ZSCAN25: variants seen among roughly 807,000 people sequenced by gnomAD.
The protein encoded by ZSCAN25 is zinc finger and SCAN domain containing 25.
Under a neutral mutation model 38.7 loss-of-function variants are expected in ZSCAN25, and 27 were observed. That is an observed-to-expected ratio of 0.70 (90% CI 0.51 to 0.96). The LOEUF (loss-of-function observed/expected upper bound fraction) is 0.96, where lower values mean the gene tolerates loss of function less well. ZSCAN25 is among the 40% of genes least tolerant of loss of function. The probability of loss-of-function intolerance (pLI) is 0.00; values close to 1 mark genes in which losing one functional copy is unlikely to be tolerated. For synonymous variants in ZSCAN25, 273 were observed against 277.7 expected, an observed-to-expected ratio of 0.98 and a Z score of 0.17; for missense variants, 637 against 705.9, an observed-to-expected ratio of 0.90 and a Z score of 1.11.
chr7:99,710,736 T>C, the ZSCAN25 span: 13 of 1,613,716 alleles, frequency 8.1e-6, no homozygotes, highest in Middle Eastern at 1.6e-4. Context: ...ACTCACCTTA[T>C]TGGGTAAAAC....
the ZSCAN25 span, among the ~76,000 whole-genome samples, chr7:99,690,241 A>G: frequency 6.6e-6 from 1 of 152,242 alleles, no homozygotes; most frequent in African/African-American, 2.4e-5. Flanking sequence ...CTGGCTAGCC[A>G]TATGTAGAAA....
At chr7:99,679,212 C>G in the ZSCAN25 span, among the ~76,000 whole-genome samples, 2 of 151,794 alleles carry the variant, frequency 1.3e-5, no homozygotes, top group East Asian at 1.9e-4. Flanking sequence ...GGAGGAGTGA[C>G]TCATAGGAGG....
At chr7:99,643,791 T>TCTGA in the ZSCAN25 span, among the ~76,000 whole-genome samples, 3 of 151,318 alleles carry the variant, frequency 2.0e-5, no homozygotes, top group Non-Finnish European at 4.4e-5. Context: ...CAGCCCCACA[T>TCTGA]CTGAGTTGAA....
chr7:99,672,000 A>G, the ZSCAN25 span: 3 of 609,918 alleles, frequency 4.9e-6, no homozygotes, highest in Admixed American at 2.8e-5. Flanking sequence ...TTCCTGTACT[A>G]TAGTATTAGG....
At chr7:99,700,545 C>T in the ZSCAN25 span, among the ~76,000 whole-genome samples, 1 of 152,128 alleles carries the variant, frequency 6.6e-6, no homozygotes, top group Admixed American at 6.5e-5. Context: ...TAAAGTCTTT[C>T]CTTACCAACC....
In ZSCAN25 at chr7:99,619,895, G is replaced by A. The variant is rs754294428; in HGVS notation, c.289G>A (p.Glu97Lys). The A allele has an allele frequency of 2.5e-6, 4 of 1,614,124 alleles. No individual in the cohort carries two copies. The highest frequency in any genetic ancestry group is 3.4e-6 in the Non-Finnish European group (4 of 1,180,066). ...GCAGTTCCTCACTATCCTGCCCCGC[G>A]AGTTCTACGCCTGGATCCGGGAGCA... Reference protein sequence around the residue: ...LEQFLTILPREFYAWIREHGP... With the variant: ...LEQFLTILPRKFYAWIREHGP... Residue 97 changes from glutamate to lysine, a missense_variant, in exon 4 of 8, where the codon GAG (glutamate) becomes AAG (lysine). By Grantham distance (56) the Glu-to-Lys change is moderately conservative. Transcript: ENST00000394152.
chr7:99,734,392 G>A, the ZSCAN25 span, among the ~76,000 whole-genome samples: 2 of 151,998 alleles, frequency 1.3e-5, no homozygotes, highest in African/African-American at 2.4e-5. Flanking sequence ...CAACTTAAAG[G>A]GAAAAATGTA....
In ZSCAN25 at chr7:99,618,623, C is replaced by G. The variant is rs1806671391; in HGVS notation, c.-160C>G. The G allele has an allele frequency of 6.6e-6, 1 of 152,208 alleles. No homozygotes were observed. The highest frequency in any genetic ancestry group is 1.5e-5 in the Non-Finnish European group (1 of 68,040). The allele number at this position is 152,208 out of a possible 1,614,324, so 9.4% of individuals were successfully genotyped here. ...TCTGACTCTTTGCCACCACCCTGAT[C>G]TAAGCCCTTATCATCTGCTTGAATC... On this transcript the variant is annotated 5_prime_UTR_variant, in exon 2 of 8. It adds an upstream start codon to the 5' untranslated region. Coordinates refer to ENST00000394152, the MANE Select transcript of ZSCAN25 (RefSeq NM_145115.3).
At chr7:99,704,312 A>G in the ZSCAN25 span, among the ~76,000 whole-genome samples, 7 of 152,088 alleles carry the variant, frequency 4.6e-5, no homozygotes, top group Non-Finnish European at 8.8e-5. Context: ...TATTTTTTAG[A>G]TGCAGTCTCA....
At chr7:99,619,485 C>A in intron 3 of ZSCAN25, 76 bp from the exon 4 acceptor site, 1 of 1,188,550 alleles carries the variant, frequency 8.4e-7, no homozygotes, top group Non-Finnish European at 1.2e-6. Context: ...TTACTGTGTT[C>A]TCCAGTGGAA....
the ZSCAN25 span, chr7:99,662,772 C>T: frequency 3.8e-6 from 6 of 1,571,576 alleles, no homozygotes; most frequent in Non-Finnish European, 5.3e-6. The surrounding 1 kb of genome is among the most constrained non-coding windows in gnomAD (Gnocchi z 4.3). Context: ...GGCCCTCCCT[C>T]TTAGTGTCCC....
At chr7:99,638,192 A>C in the ZSCAN25 span, 3 of 1,419,996 alleles carry the variant, frequency 2.1e-6, no homozygotes, top group Non-Finnish European at 2.8e-6. Flanking sequence ...AATCCTGTGA[A>C]TGGGTTTTTG....
At position 99,630,821 on chromosome 7, in the gene ZSCAN25, A is replaced by G. The variant is rs368887974; in HGVS notation, c.*801A>G. On this transcript the variant is annotated 3_prime_UTR_variant, in exon 8 of 8. Transcript: ENST00000394152. ...ACTATTAGGAAGTTAGTATTTTGCTATTGATCACTGAATAAACATCAGAGT... is the reference window on the plus strand; with the variant it reads ...ACTATTAGGAAGTTAGTATTTTGCTGTTGATCACTGAATAAACATCAGAGT... 9 of 985,316 alleles carry G rather than the reference A, an allele frequency of 9.1e-6. No homozygotes were observed. Among genetic ancestry groups the G allele is most frequent in the Admixed American group, 6.1e-5 (1 of 16,272 alleles). 61.0% of individuals were successfully genotyped at this position (985,316 alleles called of 1,614,324 possible).
chr7:99,619,506 T>G, intron 3 of ZSCAN25, 55 bp from the exon 4 acceptor site: 1 of 1,334,732 alleles, frequency 7.5e-7, no homozygotes, highest in Non-Finnish European at 1.0e-6. Flanking sequence ...TATTCCTTGA[T>G]GTAGAGACAG....
At chr7:99,685,077 G>C in the ZSCAN25 span, 1 of 1,184,822 alleles carries the variant, frequency 8.4e-7, no homozygotes, top group South Asian at 1.2e-5. Context: ...AAAGTAATTT[G>C]AGGTCTCTGG....
chr7:99,685,105 T>A, the ZSCAN25 span: 1 of 1,479,372 alleles, frequency 6.8e-7, no homozygotes, highest in South Asian at 1.1e-5. Flanking sequence ...GGTCACAGCT[T>A]TTTTGAAGAG....
the ZSCAN25 span, among the ~76,000 whole-genome samples, chr7:99,703,024 T>C: frequency 1.3e-5 from 2 of 152,188 alleles, no homozygotes; most frequent in Non-Finnish European, 2.9e-5. Flanking sequence ...TGGGATTACT[T>C]TTTTATTTTT....
chr7:99,719,971 TG>T, the ZSCAN25 span, among the ~76,000 whole-genome samples: 1 of 152,286 alleles, frequency 6.6e-6, no homozygotes, highest in Admixed American at 6.5e-5. Context: ...TACTCCCATT[TG>T]GGTGACAGAG....
downstream of ZSCAN25, among the ~76,000 whole-genome samples, chr7:99,633,615 G>C (rs565198176): frequency 5.1e-4 from 77 of 152,262 alleles, no homozygotes; most frequent in Middle Eastern, 3.4e-3. Flanking sequence ...ACCCAGGCTG[G>C]AATGCAGTGG....
Sources: allele counts gnomAD v4.1 joint callset (sites outside exome capture counted in the v4.1 genomes callset), GRCh38; gene constraint gnomAD v4.1.1; non-coding constraint Gnocchi (gnomAD v3.1); transcripts MANE v1.5; gene names NCBI Gene and HGNC (gene_info 2026-07-23, HGNC 2026-07-21).